The following SOX6 variants were observed in gnomAD, a reference collection of about 807,000 sequenced individuals.
SOX6 encodes transcription factor SOX-6.
A neutral mutation model predicts 97.8 loss-of-function variants in SOX6; 11 were observed. The observed-to-expected ratio is 0.11, with a 90% CI of 0.07 to 0.19. The LOEUF (loss-of-function observed/expected upper bound fraction) is 0.19. Ranked by LOEUF, SOX6 falls within the 10% of genes least tolerant of loss-of-function variation. The pLI, the probability that SOX6 is intolerant of heterozygous loss-of-function variation, is 1.00. For missense variants in SOX6, 810 were observed against 1,039.5 expected, an observed-to-expected ratio of 0.78 and a Z score of 3.04; for synonymous variants, 360 against 371.4, an observed-to-expected ratio of 0.97 and a Z score of 0.35.
At chr11:16,718,418 A>G (rs1590063213) in intron 2 of SOX6, among the ~76,000 whole-genome samples, 1 of 152,208 alleles carries the variant, frequency 6.6e-6, no homozygotes, top group African/African-American at 2.4e-5. Context: ...TTCTAAAATA[A>G]TAACATGTCA....
chr11:16,692,302 G>A (rs568800687), intron 3 of SOX6, among the ~76,000 whole-genome samples: 87 of 152,088 alleles, frequency 5.7e-4, no homozygotes, highest in African/African-American at 1.9e-3. Flanking sequence ...CACCCACCTC[G>A]GCCTTCCAAA....
In SOX6 at chr11:16,047,849, A is replaced by C. The variant is rs578190088; in HGVS notation, c.1436-1148T>G. 9.9e-5 allele frequency among the ~76,000 whole-genome samples: 15 copies of C among 152,098 alleles called. No homozygotes were observed. In the East Asian group the frequency reaches 2.9e-3, roughly 29 times the overall value. On this transcript the variant is annotated intron_variant, in intron 11 of 15. Coordinates refer to ENST00000683767, the MANE Select transcript of SOX6 (RefSeq NM_001367873.1). ...GTGCATATGCATTTGAGTTTGGAAA[A>C]AATTCCCAAGCTATACATGGAATTT... is the stretch of plus-strand genomic sequence containing the variant.
chr11:16,382,467 T>A (rs1358669955), intron 1 of SOX6: 1 of 152,040 alleles, frequency 6.6e-6, no homozygotes, highest in Non-Finnish European at 1.5e-5. Context: ...GGAGGGAGAA[T>A]AATTTGCTAT....
intron 3 of SOX6, among the ~76,000 whole-genome samples, chr11:16,663,155 T>C (rs989578928): frequency 1.3e-5 from 2 of 151,852 alleles, no homozygotes; most frequent in Non-Finnish European, 2.9e-5. Context: ...TAGTCAAATA[T>C]TGAAAAAAGA....
intron 1 of SOX6, among the ~76,000 whole-genome samples, chr11:16,417,841 CTT>C (rs1261584504): frequency 6.6e-6 from 1 of 152,120 alleles, no homozygotes; most frequent in Non-Finnish European, 1.5e-5. Context: ...AGTTTTAACT[CTT>C]TGTTTATATA....
At chr11:16,678,493 C>T (rs1286501175) in intron 3 of SOX6, among the ~76,000 whole-genome samples, 3 of 152,096 alleles carry the variant, frequency 2.0e-5, no homozygotes, top group African/African-American at 4.8e-5. Context: ...TTCAAGATAG[C>T]CAAATAGGAA....
chr11:16,650,446 T>C (rs1446015827), intron 3 of SOX6, among the ~76,000 whole-genome samples: 8 of 152,096 alleles, frequency 5.3e-5, no homozygotes, highest in Admixed American at 4.6e-4. Flanking sequence ...CACAGTGGAA[T>C]AAAACTGGAA....
At chr11:16,336,840 C>A (rs1010459439) in intron 2 of SOX6, among the ~76,000 whole-genome samples, 20 of 152,138 alleles carry the variant, frequency 1.3e-4, no homozygotes, top group African/African-American at 4.8e-4. Context: ...GACTTTTGTA[C>A]TTATTATACA....
At chr11:16,165,880 A>G (rs543817127) in intron 6 of SOX6, among the ~76,000 whole-genome samples, 1 of 151,722 alleles carries the variant, frequency 6.6e-6, no homozygotes, top group African/African-American at 2.4e-5. Flanking sequence ...CCTGGGCAAC[A>G]GAGCAAGACT....
intron 12 of SOX6, among the ~76,000 whole-genome samples, chr11:16,033,436 G>A (rs889044525): frequency 1.3e-5 from 2 of 152,124 alleles, no homozygotes; most frequent in South Asian, 2.1e-4. Context: ...AGACATGACC[G>A]ATTTCAAAGG....
chr11:16,074,168 T>G (rs1029111562), intron 9 of SOX6, among the ~76,000 whole-genome samples: 3 of 152,242 alleles, frequency 2.0e-5, no homozygotes, highest in Middle Eastern at 3.4e-3. Context: ...GGTAGTTTGT[T>G]ATTTGAAAGA....
intron 9 of SOX6, among the ~76,000 whole-genome samples, chr11:16,084,146 C>A (rs1848529937): frequency 6.6e-6 from 1 of 151,988 alleles, no homozygotes; most frequent in Admixed American, 6.6e-5. Context: ...GAAATTAGGA[C>A]AAAAGGGTTT....
At chr11:16,270,122 A>C (rs1854208554) in intron 3 of SOX6, 1 of 151,338 alleles carries the variant, frequency 6.6e-6, no homozygotes, top group Non-Finnish European at 1.5e-5. Context: ...AGCAATATAT[A>C]AAGAAATTCT....
chr11:16,233,694 C>T (rs1022094539), intron 4 of SOX6, among the ~76,000 whole-genome samples: 1 of 152,042 alleles, frequency 6.6e-6, no homozygotes, highest in African/African-American at 2.4e-5. Context: ...GTATTATCCT[C>T]ATTTTATAGA....
At chr11:16,340,110 T>G (rs2134339207) in intron 2 of SOX6, among the ~76,000 whole-genome samples, 1 of 152,218 alleles carries the variant, frequency 6.6e-6, no homozygotes, top group Middle Eastern at 3.4e-3. Context: ...AAGCATCAAA[T>G]AAGAATTTAA....
intron 6 of SOX6, among the ~76,000 whole-genome samples, chr11:16,182,465 C>T (rs1188273349): frequency 1.3e-5 from 2 of 151,672 alleles, no homozygotes; most frequent in African/African-American, 4.8e-5. Context: ...AGGAGCTACA[C>T]TGAAAATTCT....
At chr11:16,636,789 T>C (rs1840932434) in intron 3 of SOX6, among the ~76,000 whole-genome samples, 1 of 152,164 alleles carries the variant, frequency 6.6e-6, no homozygotes, top group South Asian at 2.1e-4. Flanking sequence ...CTGATGGTTT[T>C]ATAAGGGAGT....
At chr11:16,409,594 A>G (rs1372129527) in intron 1 of SOX6, among the ~76,000 whole-genome samples, 2 of 152,196 alleles carry the variant, frequency 1.3e-5, no homozygotes, top group Non-Finnish European at 2.9e-5. Flanking sequence ...AATTTTAACT[A>G]ATTCTATAGT....
chr11:16,470,550 A>T (rs911171359), intron 1 of SOX6, among the ~76,000 whole-genome samples: 1 of 152,180 alleles, frequency 6.6e-6, no homozygotes, highest in African/African-American at 2.4e-5. Flanking sequence ...CAAATGGTCC[A>T]GGAACCTGAG....
Sources: gnomAD v4.1 joint callset for allele counts (sites outside exome capture counted in the v4.1 genomes callset) on GRCh38, gnomAD v4.1.1 for gene constraint, MANE v1.5 for transcripts, NCBI Gene and HGNC (gene_info 2026-07-23, HGNC 2026-07-21) for gene names.